Variants in ITCH observed in about 807,000 individuals in gnomAD.
ITCH encodes the protein itchy E3 ubiquitin protein ligase, also known as E3 ubiquitin-protein ligase Itchy homolog.
Under a neutral mutation model 126.8 loss-of-function variants are expected in ITCH, and 28 were observed. The ratio of observed to expected loss-of-function variants is 0.22; its 90% CI spans 0.16 to 0.30. ITCH has a LOEUF of 0.30. Ranked by LOEUF, ITCH falls within the 10% of genes least tolerant of loss-of-function variation. The probability of loss-of-function intolerance (pLI) is 1.00; values close to 1 mark genes in which losing one functional copy is unlikely to be tolerated. For missense variants in ITCH, 631 were observed against 1,032.4 expected, an observed-to-expected ratio of 0.61 and a Z score of 5.33; for synonymous variants, 342 against 340.0, an observed-to-expected ratio of 1.01 and a Z score of -0.06.
intron 3 of ITCH, among the ~76,000 whole-genome samples, chr20:34,401,068 A>G (rs188892265): frequency 8.4e-4 from 128 of 152,048 alleles, no homozygotes; most frequent in African/African-American, 2.7e-3. Context: ...CAATTTTTAA[A>G]TTTTTTATAA....
chr20:34,459,543 G>A (rs989764319), intron 13 of ITCH, among the ~76,000 whole-genome samples: 20 of 152,116 alleles, frequency 1.3e-4, no homozygotes, highest in African/African-American at 4.8e-4. Context: ...GCATTCCAAG[G>A]GCCTAAACAT....
rs376762756 is a variant in ITCH, at chr20:34,445,260, G to GTTT, written c.966-12_966-10dup. 6.6e-3 allele frequency: 9,413 copies of GTTT among 1,425,052 alleles called. 8 individuals carry two copies. Among genetic ancestry groups the GTTT allele is most frequent in the South Asian group, 0.012 (952 of 78,348 alleles). 88.3% of individuals were successfully genotyped at this position (1,425,052 alleles called of 1,614,324 possible). ...TCACAAGTATTTGTTGAATTAGCTT[G>GTTT]TTTTTTTTTTTTTTTTTCTGATTTA... On this transcript the variant is annotated intron_variant, in intron 10 of 24. Transcript: ENST00000374864.
chr20:34,429,710 A>T (rs1358862670), intron 7 of ITCH, among the ~76,000 whole-genome samples: 1 of 152,154 alleles, frequency 6.6e-6, no homozygotes, highest in Non-Finnish European at 1.5e-5. Flanking sequence ...ATCTGTCTTA[A>T]TTTCATACCC....
chr20:34,501,681 A>G (rs368286111), intron 23 of ITCH, among the ~76,000 whole-genome samples: 2 of 151,556 alleles, frequency 1.3e-5, no homozygotes, highest in South Asian at 2.1e-4. Context: ...AGGCTGAGGC[A>G]GGAGAATCGC....
intron 13 of ITCH, among the ~76,000 whole-genome samples, chr20:34,458,249 T>TA (rs1302272999): frequency 6.6e-6 from 1 of 152,158 alleles, no homozygotes; most frequent in Non-Finnish European, 1.5e-5. Flanking sequence ...CAAAGGGTGT[T>TA]AAAAAATATT....
intron 16 of ITCH, among the ~76,000 whole-genome samples, chr20:34,472,838 T>G (rs1026316109): frequency 1.3e-5 from 2 of 152,230 alleles, no homozygotes; most frequent in Admixed American, 1.3e-4. Context: ...TGATCTGATG[T>G]AAGTGTCACA....
intron 4 of ITCH, among the ~76,000 whole-genome samples, chr20:34,409,041 C>G (rs1428354079): frequency 1.3e-5 from 2 of 150,004 alleles, no homozygotes; most frequent in African/African-American, 4.9e-5. Flanking sequence ...GCTCTTGTCA[C>G]TGAACAATAG....
chr20:34,388,393 C>CT (rs1041196063), intron 2 of ITCH, among the ~76,000 whole-genome samples: 179 of 150,872 alleles, frequency 1.2e-3, no homozygotes, highest in African/African-American at 4.0e-3. Context: ...TCTTTCTTTT[C>CT]TTTTTTTTTG....
chr20:34,419,356 T>C (rs1568920352), intron 6 of ITCH, among the ~76,000 whole-genome samples: 1 of 152,190 alleles, frequency 6.6e-6, no homozygotes, highest in African/African-American at 2.4e-5. Flanking sequence ...TTTCCTTTCC[T>C]TTCGAGATAA....
At chr20:34,379,986 TC>T (rs2037996971) in intron 2 of ITCH, among the ~76,000 whole-genome samples, 3 of 137,388 alleles carry the variant, frequency 2.2e-5, no homozygotes, top group African/African-American at 8.2e-5. Flanking sequence ...AACCTCCGCC[TC>T]CCAGGTTCAA....
intron 16 of ITCH, among the ~76,000 whole-genome samples, chr20:34,471,941 C>T (rs1412968093): frequency 6.6e-6 from 1 of 151,976 alleles, no homozygotes; most frequent in Non-Finnish European, 1.5e-5. Context: ...TTTAACACTT[C>T]AGTATTACTT....
intron 3 of ITCH, among the ~76,000 whole-genome samples, chr20:34,403,893 G>A (rs1349903490): frequency 6.6e-6 from 1 of 152,162 alleles, no homozygotes; most frequent in African/African-American, 2.4e-5. Context: ...AAATAACTAA[G>A]GGTGGCTAGA....
intron 20 of ITCH, among the ~76,000 whole-genome samples, chr20:34,485,999 C>G (rs768116804): frequency 6.6e-6 from 1 of 152,056 alleles, no homozygotes. Context: ...ATTTCTTTAG[C>G]TATATCCCAC....
chr20:34,419,449 C>T (rs1240615646), intron 6 of ITCH, among the ~76,000 whole-genome samples: 2 of 149,538 alleles, frequency 1.3e-5, no homozygotes, highest in Non-Finnish European at 3.0e-5. Flanking sequence ...ATTACTTGTA[C>T]GTTTCTCTTG....
At chr20:34,378,471 C>CAAAAA (rs35400213) in intron 2 of ITCH, among the ~76,000 whole-genome samples, 123 of 48,656 alleles carry the variant, frequency 2.5e-3, no homozygotes, top group Middle Eastern at 0.017. Context: ...AACTCTGTCT[C>CAAAAA]AAAAAAAAAA....
intron 1 of ITCH, among the ~76,000 whole-genome samples, chr20:34,365,342 A>T (rs1006006388): frequency 6.6e-6 from 1 of 152,220 alleles, no homozygotes; most frequent in African/African-American, 2.4e-5. Flanking sequence ...ATATGAAATT[A>T]AAAAAATGAG....
intron 1 of ITCH, among the ~76,000 whole-genome samples, chr20:34,364,724 CAAAAA>C (rs1171765663): frequency 2.2e-5 from 1 of 45,578 alleles, no homozygotes; most frequent in African/African-American, 1.2e-4. Context: ...ACTAAAAATA[CAAAAA>C]AAAAAAAAAA....
In ITCH at chr20:34,507,752, G is replaced by A; in HGVS notation, c.2547G>A (p.Leu849=). 6.2e-7 allele frequency: 1 copy of A among 1,613,932 alleles called. No individual in the cohort carries two copies. The highest frequency in any genetic ancestry group is 1.1e-5 in the South Asian group (1 of 91,078). The change falls in exon 25 of 25, where the codon CTG becomes CTA. Residue 849 remains leucine (L), a synonymous_variant. Transcript: ENST00000374864. The stretch of plus-strand genomic sequence containing the variant: ...GCTATGAGCAACTGAAGGAAAAGCT[G>A]TTGTTTGCCATAGAAGAAACAGAAG... ...YKSYEQLKEK[L]LFAIEETEGF...
intron 22 of ITCH, among the ~76,000 whole-genome samples, chr20:34,491,789 T>C (rs1487661631): frequency 2.0e-5 from 3 of 152,192 alleles, no homozygotes; most frequent in Non-Finnish European, 2.9e-5. Context: ...CAGAATTGTA[T>C]GAAATAAAAA....
Sources: allele counts gnomAD v4.1 joint callset (sites outside exome capture counted in the v4.1 genomes callset), GRCh38; gene constraint gnomAD v4.1.1; transcripts MANE v1.5; gene names NCBI Gene and HGNC (gene_info 2026-07-23, HGNC 2026-07-21).